The following HOMER1 variants were observed in gnomAD, a reference collection of about 807,000 sequenced individuals.
HOMER1 encodes the protein homer protein homolog 1.
In HOMER1, 3 loss-of-function variants were observed where a neutral mutation model predicts 48.9. The observed-to-expected ratio is 0.06, with a 90% CI of 0.03 to 0.16. The LOEUF is 0.16. HOMER1 is among the 10% of genes least tolerant of loss of function. HOMER1 has a pLI of 1.00. For synonymous variants in HOMER1, 134 were observed against 146.4 expected, an observed-to-expected ratio of 0.92 and a Z score of 0.61; for missense variants, 247 against 411.4, an observed-to-expected ratio of 0.60 and a Z score of 3.46.
At chr5:79,437,380 T>C (rs1266170042) in intron 5 of HOMER1, among the ~76,000 whole-genome samples, 5 of 152,316 alleles carry the variant, frequency 3.3e-5, no homozygotes, top group Non-Finnish European at 7.4e-5. Context: ...CTCAACATAG[T>C]AAAATATTTT....
intron 1 of HOMER1, among the ~76,000 whole-genome samples, chr5:79,497,662 GAAAAAAAA>G (rs1212983044): frequency 2.7e-5 from 2 of 73,026 alleles, no homozygotes; most frequent in East Asian, 8.2e-4. Flanking sequence ...CTGTCTCAAA[GAAAAAAAA>G]AAAAAAAAAA....
chr5:79,473,079 T>A (rs1281696269), intron 1 of HOMER1, among the ~76,000 whole-genome samples: 2 of 152,202 alleles, frequency 1.3e-5, no homozygotes, highest in Non-Finnish European at 2.9e-5. Flanking sequence ...AGGAAGCCAA[T>A]CATCTAAAGC....
chr5:79,397,468 T>C (rs1013952039), intron 7 of HOMER1, 59 bp downstream of exon 7: 31 of 1,005,146 alleles, frequency 3.1e-5, no homozygotes, highest in Admixed American at 2.0e-5. Flanking sequence ...TGACATGGAA[T>C]CTAATACTTT....
chr5:79,470,959 C>T (rs1257845803), intron 1 of HOMER1, among the ~76,000 whole-genome samples: 1 of 152,080 alleles, frequency 6.6e-6, no homozygotes, highest in African/African-American at 2.4e-5. Context: ...TACTTCAGCC[C>T]TTGCTCTGCC....
rs1333858612 is a variant in HOMER1, at chr5:79,373,299, TTTC to T, written c.*2707_*2709del. The T allele has an allele frequency of 2.0e-5, 3 of 152,058 alleles. No individual in the cohort carries two copies. The highest frequency in any genetic ancestry group is 3.9e-4 in the East Asian group (2 of 5,184). 9.4% of individuals were successfully genotyped at this position (152,058 alleles called of 1,614,324 possible). On this transcript the variant is annotated 3_prime_UTR_variant, in exon 9 of 9. Transcript: ENST00000334082. ...TCAAAATAAAAACTGTATTTTTGCT[TTTC>T]TTTTTTTTTTTCAATTTTTGTTTTT...
chr5:79,500,489 C>T (rs1179402144), intron 1 of HOMER1, among the ~76,000 whole-genome samples: 1 of 152,214 alleles, frequency 6.6e-6, no homozygotes. Context: ...TTTGTCTCAA[C>T]AGGCTTTTAA....
In HOMER1 at chr5:79,388,382, C is replaced by T. The variant is rs149637244; in HGVS notation, c.876+8441G>A. Among the ~76,000 whole-genome samples, 707 of 152,176 alleles carry T rather than the reference C, an allele frequency of 4.6e-3. 4 individuals carry two copies. Among genetic ancestry groups the T allele is most frequent in the African/African-American group, 0.015 (631 of 41,508 alleles). ...TTTGAACTAACAATTTATAAACCAC[C>T]CCAAACTGCTATTCTATCCACAAAA... On this transcript the variant is annotated intron_variant, in intron 8 of 8. Transcript: ENST00000334082.
At chr5:79,511,481 T>C (rs1226752474) in intron 1 of HOMER1, among the ~76,000 whole-genome samples, 2 of 152,202 alleles carry the variant, frequency 1.3e-5, no homozygotes, top group Admixed American at 6.5e-5. Context: ...TCGTTCATTT[T>C]ACAGGTAAGA....
At chr5:79,467,513 G>A (rs887444215) in intron 1 of HOMER1, among the ~76,000 whole-genome samples, 1 of 150,926 alleles carries the variant, frequency 6.6e-6, no homozygotes, top group Admixed American at 6.6e-5. Flanking sequence ...CAAACTAAAT[G>A]AGTGGATGTT....
chr5:79,499,189 C>A (rs1752505958), intron 1 of HOMER1, among the ~76,000 whole-genome samples: 1 of 152,082 alleles, frequency 6.6e-6, no homozygotes, highest in South Asian at 2.1e-4. Flanking sequence ...CTCAAGCTTT[C>A]TTTTTCTGGT....
chr5:79,483,776 C>T (rs951374471), intron 1 of HOMER1, among the ~76,000 whole-genome samples: 68 of 147,440 alleles, frequency 4.6e-4, no homozygotes, highest in Admixed American at 1.3e-3. Context: ...AAAAAGTGGC[C>T]GGGTGTGGTG....
At chr5:79,504,190 G>A (rs750269637) in intron 1 of HOMER1, among the ~76,000 whole-genome samples, 1 of 151,772 alleles carries the variant, frequency 6.6e-6, no homozygotes, top group Non-Finnish European at 1.5e-5. Context: ...CAAGAAAGAC[G>A]AGTTTAAGAG....
chr5:79,505,054 G>A (rs982539197), intron 1 of HOMER1, among the ~76,000 whole-genome samples: 5 of 151,954 alleles, frequency 3.3e-5, no homozygotes, highest in Non-Finnish European at 7.4e-5. Context: ...AGGGTGGGTG[G>A]AGCACTTGAG....
intron 2 of HOMER1, 67 bp from the exon 3 acceptor site, chr5:79,451,188 A>G: frequency 6.6e-7 from 1 of 1,508,120 alleles, no homozygotes; most frequent in Non-Finnish European, 9.1e-7. Context: ...ATACAAGACC[A>G]TTCAGTTACA....
chr5:79,494,761 C>G (rs987137047), intron 1 of HOMER1, among the ~76,000 whole-genome samples: 1 of 152,110 alleles, frequency 6.6e-6, no homozygotes, highest in Non-Finnish European at 1.5e-5. Flanking sequence ...CCCAGCTACT[C>G]GGGAGGCTGA....
chr5:79,504,299 G>A (rs1417990372), intron 1 of HOMER1, among the ~76,000 whole-genome samples: 3 of 151,546 alleles, frequency 2.0e-5, no homozygotes, highest in African/African-American at 7.3e-5. Context: ...AACATCCTGG[G>A]AGCTGGCAGA....
chr5:79,503,067 G>A (rs938737801), intron 1 of HOMER1, among the ~76,000 whole-genome samples: 5 of 152,100 alleles, frequency 3.3e-5, no homozygotes, highest in South Asian at 2.1e-4. Context: ...GATTACAGGC[G>A]TGAGCCACTG....
chr5:79,481,127 G>GA (rs1181825612), intron 1 of HOMER1, among the ~76,000 whole-genome samples: 4 of 152,064 alleles, frequency 2.6e-5, no homozygotes, highest in Non-Finnish European at 2.9e-5. Context: ...TTAGGTATGG[G>GA]ATGATTACTG....
chr5:79,457,135 AAGT>A, intron 1 of HOMER1, 117 bp from the exon 2 acceptor site: 2 of 936,996 alleles, frequency 2.1e-6, no homozygotes, highest in South Asian at 1.6e-5. Context: ...ACATACCTGA[AAGT>A]AAGAGAAACT....
Sources: allele counts gnomAD v4.1 joint callset (sites outside exome capture counted in the v4.1 genomes callset), GRCh38; gene constraint gnomAD v4.1.1; transcripts MANE v1.5; gene names NCBI Gene and HGNC (gene_info 2026-07-23, HGNC 2026-07-21).